Variants in FLVCR2 observed in about 807,000 individuals in gnomAD.
The protein encoded by FLVCR2 is choline/ethanolamine transporter FLVCR2.
Under a neutral mutation model 48.9 loss-of-function variants are expected in FLVCR2, and 38 were observed. The observed-to-expected ratio is 0.78, with a 90% CI of 0.60 to 1.02. The LOEUF is 1.02. Among genes scored for constraint, FLVCR2 ranks in the 50% least tolerant of loss-of-function variants. The pLI, the probability that FLVCR2 is intolerant of heterozygous loss-of-function variation, is 0.00. For synonymous variants in FLVCR2, 255 were observed against 257.0 expected (o/e 0.99, Z 0.07); for missense variants, 664 against 663.3 (o/e 1.00, Z -0.01).
intron 1 of FLVCR2, among the ~76,000 whole-genome samples, chr14:75,615,183 A>C (rs528982359): frequency 4.5e-4 from 68 of 152,314 alleles, no homozygotes; most frequent in African/African-American, 1.4e-3. Flanking sequence ...CGGGCAGAGG[A>C]GAGATCACAG....
At chr14:75,636,938 C>A (rs1890179340) in intron 5 of FLVCR2, among the ~76,000 whole-genome samples, 1 of 152,198 alleles carries the variant, frequency 6.6e-6, no homozygotes, top group South Asian at 2.1e-4. Flanking sequence ...AGACTGGCGT[C>A]CATGACGTTG....
chr14:75,633,717 T>C lies in FLVCR2; in HGVS notation c.1020+21T>C, dbSNP rs200712122. Reference sequence around the variant, plus strand: ...ACCCGGTAAGGGAGTTCCCTAAGCATGTTGGGCCTCAAGATGATATAGTTT... The same window carrying C: ...ACCCGGTAAGGGAGTTCCCTAAGCACGTTGGGCCTCAAGATGATATAGTTT... On this transcript the variant is annotated intron_variant, in intron 4 of 9. Transcript: ENST00000238667. The C allele has an allele frequency of 1.3e-5, 20 of 1,585,612 alleles. 1 individual carries two copies. The East Asian group carries it at 4.0e-4, about 32-fold the overall frequency.
intron 1 of FLVCR2, chr14:75,595,665 T>G: frequency 1.7e-6 from 1 of 585,102 alleles, no homozygotes; most frequent in Admixed American, 3.1e-5. Flanking sequence ...TTATTGCTAT[T>G]GACAGCAAAC....
chr14:75,612,129 ATAAT>A (rs1358074060), intron 1 of FLVCR2, among the ~76,000 whole-genome samples: 1 of 152,182 alleles, frequency 6.6e-6, no homozygotes, highest in Non-Finnish European at 1.5e-5. Flanking sequence ...AAAAAAATTA[ATAAT>A]TAAAAAATAA....
intron 1 of FLVCR2, among the ~76,000 whole-genome samples, chr14:75,611,163 C>A (rs749841445): frequency 2.6e-5 from 4 of 152,096 alleles, no homozygotes; most frequent in African/African-American, 4.8e-5. Context: ...AAACAAGAAA[C>A]CTGTAAAGTG....
chr14:75,636,543 A>C (rs528296161), intron 5 of FLVCR2, among the ~76,000 whole-genome samples: 1 of 152,338 alleles, frequency 6.6e-6, no homozygotes, highest in East Asian at 1.9e-4. Context: ...CGGATGATTC[A>C]GATGAATTAG....
chr14:75,615,862 CAA>C (rs10629811), intron 1 of FLVCR2, among the ~76,000 whole-genome samples: 2 of 131,260 alleles, frequency 1.5e-5, no homozygotes, highest in African/African-American at 2.9e-5. Flanking sequence ...ACTAAAAATA[CAA>C]AAAAAAAAAA....
At chr14:75,587,323 TA>T (rs961248930) in intron 1 of FLVCR2, among the ~76,000 whole-genome samples, 8 of 148,304 alleles carry the variant, frequency 5.4e-5, no homozygotes, top group Non-Finnish European at 7.5e-5. Context: ...AGCATACATG[TA>T]AAAAAAAAAG....
At chr14:75,584,195 C>A (rs1241473888) in intron 1 of FLVCR2, among the ~76,000 whole-genome samples, 4 of 152,168 alleles carry the variant, frequency 2.6e-5, no homozygotes, top group African/African-American at 9.7e-5. Flanking sequence ...CTTGGATGTT[C>A]TGAAGGTTTT....
intron 1 of FLVCR2, among the ~76,000 whole-genome samples, chr14:75,615,515 C>T (rs1184678293): frequency 6.6e-6 from 1 of 152,110 alleles, no homozygotes; most frequent in East Asian, 1.9e-4. Flanking sequence ...GAGCCTCAGC[C>T]CGATGAGCTA....
At position 75,645,038 on chromosome 14, in the gene FLVCR2, GTGT is replaced by G. The variant is rs1890388865; in HGVS notation, c.1510-1362_1510-1360del. Reference sequence around the variant, plus strand: ...GCTTTGGAGGAGGCGGGCGTGGTGTGTGTGTGTGTGTGTGTGTGTGTGTGTGTG... The same window carrying G: ...GCTTTGGAGGAGGCGGGCGTGGTGTGGTGTGTGTGTGTGTGTGTGTGTGTG... On this transcript the variant is annotated intron_variant, in intron 9 of 9. Transcript: ENST00000238667. 8.2e-4 allele frequency among the ~76,000 whole-genome samples: 8 copies of G among 9,732 alleles called. No homozygotes were observed. In the Admixed American group the frequency reaches 8.9e-3, roughly 11 times the overall value. The allele number at this position is 9,732 out of a possible 152,430, so 6.4% of individuals were successfully genotyped here. A position where few individuals can be genotyped will look rare whatever the true frequency, so the allele number is the denominator to read the frequency against.
At chr14:75,621,560 A>G (rs1240023128) in intron 1 of FLVCR2, among the ~76,000 whole-genome samples, 3 of 152,198 alleles carry the variant, frequency 2.0e-5, no homozygotes, top group Non-Finnish European at 2.9e-5. Context: ...AGAAGTTACT[A>G]CGTTATTCAC....
intron 6 of FLVCR2, among the ~76,000 whole-genome samples, chr14:75,640,344 C>T (rs1189330951): frequency 6.6e-6 from 1 of 151,448 alleles, no homozygotes; most frequent in Non-Finnish European, 1.5e-5. Context: ...ATACCTCTTT[C>T]ACAGGAGTCT....
intron 1 of FLVCR2, among the ~76,000 whole-genome samples, chr14:75,599,578 G>C (rs1048365263): frequency 5.9e-5 from 9 of 152,116 alleles, no homozygotes; most frequent in Non-Finnish European, 1.3e-4. Flanking sequence ...TCCCAGTAAT[G>C]GTTTTCATAG....
intron 1 of FLVCR2, among the ~76,000 whole-genome samples, chr14:75,593,053 A>G (rs1377263787): frequency 6.6e-6 from 1 of 152,056 alleles, no homozygotes; most frequent in Non-Finnish European, 1.5e-5. Context: ...CATCTAACCA[A>G]TCTCTGAGAA....
In FLVCR2 at chr14:75,647,757, G is replaced by C. The variant is rs749585048; in HGVS notation, c.*1285G>C. On this transcript the variant is annotated 3_prime_UTR_variant, in exon 10 of 10. Coordinates refer to ENST00000238667, the MANE Select transcript of FLVCR2 (RefSeq NM_017791.3). ...TCCTATGCATTGGGCAACTGTGATC[G>C]TGACCACTGTGCTGTCTTGCTCCAG... 6.6e-6 allele frequency: 1 copy of C among 152,660 alleles called. No homozygotes were observed. Among genetic ancestry groups the C allele is most frequent in the Non-Finnish European group, 1.5e-5 (1 of 68,066 alleles). The allele number at this position is 152,660 out of a possible 1,614,324, so 9.5% of individuals were successfully genotyped here.
chr14:75,614,155 A>G (rs760967485), intron 1 of FLVCR2, among the ~76,000 whole-genome samples: 1 of 152,244 alleles, frequency 6.6e-6, no homozygotes, highest in African/African-American at 2.4e-5. Context: ...GTGAAAGTCT[A>G]GATTGAACCT....
chr14:75,626,796 A>G (rs895959678), intron 3 of FLVCR2, among the ~76,000 whole-genome samples: 15 of 151,912 alleles, frequency 9.9e-5, no homozygotes, highest in Admixed American at 7.9e-4. Context: ...AAGAGCTTTT[A>G]CTTTCGCTAG....
intron 1 of FLVCR2, among the ~76,000 whole-genome samples, chr14:75,612,029 G>A (rs1889469196): frequency 6.6e-6 from 1 of 152,154 alleles, no homozygotes; most frequent in South Asian, 2.1e-4. Flanking sequence ...CCTTGGGCAA[G>A]CTACTTAAAT....
Sources: gnomAD v4.1 joint callset for allele counts (sites outside exome capture counted in the v4.1 genomes callset) on GRCh38, gnomAD v4.1.1 for gene constraint, MANE v1.5 for transcripts, NCBI Gene and HGNC (gene_info 2026-07-23, HGNC 2026-07-21) for gene names.